Variants in SDK2 observed in about 807,000 individuals in gnomAD.
SDK2 encodes sidekick cell adhesion molecule 2, also known as protein sidekick-2.
A neutral mutation model predicts 253.9 loss-of-function variants in SDK2; 105 were observed. The observed-to-expected ratio is 0.41, with a 90% confidence interval of 0.35 to 0.49. SDK2 has a LOEUF of 0.49. Among genes scored for constraint, SDK2 ranks in the 20% least tolerant of loss-of-function variants. The pLI is 0.06. For synonymous variants in SDK2, 1,249 were observed against 1,234.9 expected (o/e 1.01, Z -0.24); for missense variants, 2,608 against 3,003.0 (o/e 0.87, Z 3.07).
chr17:73,539,362 G>A (rs545640839), intron 1 of SDK2, among the ~76,000 whole-genome samples: 6 of 152,266 alleles, frequency 3.9e-5, no homozygotes, highest in South Asian at 4.2e-4. Flanking sequence ...TGGGAGCGCC[G>A]GGGCAGGGTC....
intron 1 of SDK2, among the ~76,000 whole-genome samples, chr17:73,579,681 A>C (rs2045506609): frequency 6.6e-6 from 1 of 152,034 alleles, no homozygotes; most frequent in South Asian, 2.1e-4. Flanking sequence ...ATGTCTTTAT[A>C]AGAAGAGATT....
intron 32 of SDK2, among the ~76,000 whole-genome samples, chr17:73,385,207 C>T (rs960227094): frequency 3.3e-5 from 5 of 152,170 alleles, no homozygotes; most frequent in African/African-American, 7.2e-5. Context: ...TGAGGCAAGG[C>T]TGAACTTCAG....
chr17:73,501,242 G>GCACGCA (rs2063888711), intron 2 of SDK2, among the ~76,000 whole-genome samples: 1 of 150,754 alleles, frequency 6.6e-6, no homozygotes, highest in Non-Finnish European at 1.5e-5. Context: ...GCATGTGCAT[G>GCACGCA]CACACACACA....
intron 3 of SDK2, among the ~76,000 whole-genome samples, chr17:73,466,659 A>G (rs1362275820): frequency 6.6e-6 from 1 of 151,852 alleles, no homozygotes; most frequent in South Asian, 2.1e-4. Flanking sequence ...CCCACAGAAG[A>G]AAGACATTTA....
chr17:73,626,447 T>G (rs2046203521), intron 1 of SDK2, among the ~76,000 whole-genome samples: 1 of 152,088 alleles, frequency 6.6e-6, no homozygotes, highest in Non-Finnish European at 1.5e-5. Context: ...TTAAGCCAAG[T>G]CCTTCACTTT....
At chr17:73,408,446 G>T (rs896032953) in intron 18 of SDK2, among the ~76,000 whole-genome samples, 1 of 151,680 alleles carries the variant, frequency 6.6e-6, no homozygotes, top group Middle Eastern at 3.4e-3. Flanking sequence ...GGATGGTCTC[G>T]ATCTCCTGAC....
At chr17:73,347,045 C>A (rs750221261) in intron 44 of SDK2, among the ~76,000 whole-genome samples, 3 of 152,188 alleles carry the variant, frequency 2.0e-5, no homozygotes, top group African/African-American at 4.8e-5. Context: ...GGCAGCAGCA[C>A]TGACTTATTT....
chr17:73,339,388 G>A (rs1269989114), intron 44 of SDK2, among the ~76,000 whole-genome samples: 6 of 151,536 alleles, frequency 4.0e-5, no homozygotes, highest in Non-Finnish European at 5.9e-5. Flanking sequence ...CACCACGCCT[G>A]GCTAATTTTT....
At chr17:73,462,554 A>G (rs1173417455) in intron 3 of SDK2, among the ~76,000 whole-genome samples, 1 of 152,096 alleles carries the variant, frequency 6.6e-6, no homozygotes, top group African/African-American at 2.4e-5. Context: ...GTTTGTATGC[A>G]TGTATGTTTG....
At chr17:73,533,886 T>C (rs1452685812) in intron 1 of SDK2, among the ~76,000 whole-genome samples, 1 of 152,192 alleles carries the variant, frequency 6.6e-6, no homozygotes, top group African/African-American at 2.4e-5. Flanking sequence ...CCCCATCTGT[T>C]GTGATTGTTT....
At chr17:73,522,840 C>T (rs925022916) in intron 1 of SDK2, among the ~76,000 whole-genome samples, 1 of 152,224 alleles carries the variant, frequency 6.6e-6, no homozygotes, top group Non-Finnish European at 1.5e-5. Flanking sequence ...CTCCATGGTG[C>T]CAAGGTTCAC....
intron 1 of SDK2, among the ~76,000 whole-genome samples, chr17:73,624,654 C>T (rs531607676): frequency 1.5e-3 from 228 of 152,296 alleles, no homozygotes; most frequent in African/African-American, 5.2e-3. Flanking sequence ...TTCATCAGGT[C>T]TGGGGTGAGG....
At chr17:73,439,700 G>C (rs536668881) in intron 6 of SDK2, among the ~76,000 whole-genome samples, 2 of 152,308 alleles carry the variant, frequency 1.3e-5, no homozygotes, top group African/African-American at 4.8e-5. Flanking sequence ...GGTCAGGCTG[G>C]GTCAGCGCGC....
At chr17:73,368,923 A>T (rs1488137675) in intron 36 of SDK2, among the ~76,000 whole-genome samples, 2 of 152,048 alleles carry the variant, frequency 1.3e-5, no homozygotes, top group Non-Finnish European at 2.9e-5. Flanking sequence ...GAGGCAGGAA[A>T]ATCACTTGAA....
intron 1 of SDK2, among the ~76,000 whole-genome samples, chr17:73,532,856 C>T (rs1368768115): frequency 6.6e-6 from 1 of 152,200 alleles, no homozygotes; most frequent in East Asian, 1.9e-4. Flanking sequence ...GTTAGTGTGT[C>T]TGTCTTCAGT....
chr17:73,379,115 C>T lies in SDK2; in HGVS notation c.4980+62G>A, dbSNP rs1191919247. The stretch of plus-strand genomic sequence containing the variant: ...GCCTGCCTCCCACATATCACTCACT[C>T]CCCAGCCTCCGACCTGGCTTCTCAT... On this transcript the variant is annotated intron_variant, in intron 36 of 44. Coordinates refer to ENST00000392650, the MANE Select transcript of SDK2 (RefSeq NM_001144952.2). This position sits in a 1 kb window ranked among gnomAD's most constrained non-coding sequence, Gnocchi z 4.5. The T allele has an allele frequency of 2.3e-6, 3 of 1,292,612 alleles. No homozygotes were observed. Among genetic ancestry groups the T allele is most frequent in the Non-Finnish European group, 2.2e-6 (2 of 917,740 alleles). 80.1% of individuals were successfully genotyped at this position (1,292,612 alleles called of 1,614,324 possible). A position where few individuals can be genotyped will look rare whatever the true frequency, so the allele number is the denominator to read the frequency against.
In SDK2 at chr17:73,361,155, TG is replaced by T. The variant is rs1379358982; in HGVS notation, c.5467+528del. Reference sequence around the variant, plus strand: ...CTTTGTCACGGCCTCCAGGGGCTTTTGTCTAAGTGCAGACTGCCAGGTCCCA... The same window carrying T: ...CTTTGTCACGGCCTCCAGGGGCTTTTTCTAAGTGCAGACTGCCAGGTCCCA... On this transcript the variant is annotated intron_variant, in intron 39 of 44. Transcript: ENST00000392650. This position sits in a 1 kb window ranked among gnomAD's most constrained non-coding sequence, Gnocchi z 4.1. Among the ~76,000 whole-genome samples, 1 of 152,026 alleles carries T rather than the reference TG, an allele frequency of 6.6e-6. No individual in the cohort carries two copies. The highest frequency in any genetic ancestry group is 1.5e-5 in the Non-Finnish European group (1 of 67,988).
intron 1 of SDK2, among the ~76,000 whole-genome samples, chr17:73,578,681 T>C (rs1811885865): frequency 6.6e-6 from 1 of 151,962 alleles, no homozygotes; most frequent in Admixed American, 6.6e-5. Flanking sequence ...GACACTCAGG[T>C]CAAAGGGTCA....
chr17:73,598,905 G>A (rs2045797987), intron 1 of SDK2, among the ~76,000 whole-genome samples: 1 of 152,240 alleles, frequency 6.6e-6, no homozygotes, highest in Non-Finnish European at 1.5e-5. Flanking sequence ...AATGGATCAG[G>A]CACCAAGCGC....
Sources: gnomAD v4.1 joint callset for allele counts (sites outside exome capture counted in the v4.1 genomes callset) on GRCh38, gnomAD v4.1.1 for gene constraint, Gnocchi (gnomAD v3.1) non-coding constraint, MANE v1.5 for transcripts, NCBI Gene and HGNC (gene_info 2026-07-23, HGNC 2026-07-21) for gene names.